ABL2: variants seen among roughly 807,000 people sequenced by gnomAD.
The protein encoded by ABL2 is ABL proto-oncogene 2, non-receptor tyrosine kinase.
A neutral mutation model predicts 107.7 loss-of-function variants in ABL2; 49 were observed. The observed-to-expected ratio is 0.45, with a 90% CI of 0.36 to 0.58. ABL2 has a LOEUF of 0.58. ABL2 is among the 20% of genes least tolerant of loss of function. The pLI, the probability that ABL2 is intolerant of heterozygous loss-of-function variation, is 0.00. For missense variants in ABL2, 1,245 were observed against 1,457.0 expected (o/e 0.85, Z 2.37); for synonymous variants, 549 against 548.6 (o/e 1.00, Z -0.01).
intron 1 of ABL2, among the ~76,000 whole-genome samples, chr1:179,177,366 G>A (rs745327775): frequency 6.6e-6 from 1 of 152,160 alleles, no homozygotes; most frequent in African/African-American, 2.4e-5. Flanking sequence ...AAACAGCCAA[G>A]TCAAGTTCCA....
intron 1 of ABL2, among the ~76,000 whole-genome samples, chr1:179,181,526 A>C (rs147309055): frequency 1.7e-3 from 255 of 152,268 alleles, no homozygotes; most frequent in Middle Eastern, 6.8e-3. Context: ...TCATTTATGA[A>C]ACATGCTTAA....
chr1:179,187,352 G>C (rs1221537146), intron 1 of ABL2, among the ~76,000 whole-genome samples: 3 of 152,118 alleles, frequency 2.0e-5, no homozygotes, highest in Non-Finnish European at 1.5e-5. Context: ...AAAGTCTAAG[G>C]ATTTTGCCTT....
chr1:179,119,992 G>T (rs28914542), intron 6 of ABL2, among the ~76,000 whole-genome samples, 198 bp downstream of exon 6: 2 of 152,056 alleles, frequency 1.3e-5, no homozygotes, highest in Non-Finnish European at 2.9e-5. Context: ...GAAAAAAGGC[G>T]GGGCATGGTG....
intron 1 of ABL2, among the ~76,000 whole-genome samples, chr1:179,162,100 G>A (rs1344073058): frequency 1.3e-5 from 2 of 152,076 alleles, no homozygotes; most frequent in African/African-American, 2.4e-5. Flanking sequence ...TTATAGCAAC[G>A]CAAAATGGAC....
At chr1:179,118,195 T>C (rs1266126644) in intron 7 of ABL2, among the ~76,000 whole-genome samples, 2 of 148,706 alleles carry the variant, frequency 1.3e-5, no homozygotes, top group Non-Finnish European at 3.0e-5. Flanking sequence ...AAAAAGGATC[T>C]TGGATACAGT....
intron 1 of ABL2, among the ~76,000 whole-genome samples, chr1:179,143,409 G>A (rs939087499): frequency 6.6e-6 from 1 of 151,536 alleles, no homozygotes; most frequent in African/African-American, 2.4e-5. Flanking sequence ...GGTGAGACTA[G>A]AGAGAAAAGT....
At chr1:179,110,847 T>C (rs1250644167) in intron 10 of ABL2, 2 of 1,613,934 alleles carry the variant, frequency 1.2e-6, no homozygotes, top group African/African-American at 1.3e-5. Context: ...GTAGGAGAAC[T>C]GGTGGATCAC....
chr1:179,162,687 C>G (rs1233905985), intron 1 of ABL2, among the ~76,000 whole-genome samples: 1 of 152,156 alleles, frequency 6.6e-6, no homozygotes, highest in Non-Finnish European at 1.5e-5. Context: ...CACTAAGCAT[C>G]TCAGAAGACT....
At chr1:179,148,639 C>A (rs1234941924) in intron 1 of ABL2, among the ~76,000 whole-genome samples, 3 of 152,294 alleles carry the variant, frequency 2.0e-5, no homozygotes, top group East Asian at 3.9e-4. Flanking sequence ...CAGTGGCTCA[C>A]GCCTGTAATC....
chr1:179,177,584 CAATT>C (rs1449807345), intron 1 of ABL2, among the ~76,000 whole-genome samples: 8 of 152,102 alleles, frequency 5.3e-5, no homozygotes, highest in Non-Finnish European at 7.4e-5. Flanking sequence ...AATTTGATAA[CAATT>C]AATTCATTTA....
chr1:179,228,515 A>G (rs1663361485), intron 1 of ABL2, among the ~76,000 whole-genome samples: 1 of 152,064 alleles, frequency 6.6e-6, no homozygotes, highest in Non-Finnish European at 1.5e-5. Flanking sequence ...ACAAAGGAAA[A>G]CTTGTTCATA....
At chr1:179,162,124 G>A (rs900043303) in intron 1 of ABL2, among the ~76,000 whole-genome samples, 3 of 152,182 alleles carry the variant, frequency 2.0e-5, no homozygotes, top group African/African-American at 7.2e-5. Context: ...CACACATGCT[G>A]AATGAGTCAA....
At chr1:179,184,986 C>T (rs916368099) in intron 1 of ABL2, among the ~76,000 whole-genome samples, 16 of 152,182 alleles carry the variant, frequency 1.1e-4, no homozygotes, top group Admixed American at 1.0e-3. Flanking sequence ...GAAAAACCTG[C>T]TCCCTTCACT....
chr1:179,142,887 A>C (rs1399631961), intron 1 of ABL2: 1 of 1,597,258 alleles, frequency 6.3e-7, no homozygotes, highest in Non-Finnish European at 8.5e-7. Context: ...ACACTTGATT[A>C]ATGTGGTTAT....
At chr1:179,148,437 T>C (rs1426353366) in intron 1 of ABL2, among the ~76,000 whole-genome samples, 2 of 152,200 alleles carry the variant, frequency 1.3e-5, no homozygotes, top group African/African-American at 4.8e-5. Flanking sequence ...ATCATATCTA[T>C]TATGGTGATC....
At chr1:179,154,054 T>C (rs887442895) in intron 1 of ABL2, among the ~76,000 whole-genome samples, 1 of 152,208 alleles carries the variant, frequency 6.6e-6, no homozygotes, top group Non-Finnish European at 1.5e-5. Flanking sequence ...CTATGAATCA[T>C]ACCTCTTAAA....
chr1:179,227,200 G>A (rs1487790861), intron 1 of ABL2, among the ~76,000 whole-genome samples: 1 of 152,128 alleles, frequency 6.6e-6, no homozygotes, highest in Admixed American at 6.6e-5. Context: ...AAACCAGAAA[G>A]TATCTTAGAG....
At chr1:179,198,267 T>G (rs531143692) in intron 1 of ABL2, among the ~76,000 whole-genome samples, 1 of 149,266 alleles carries the variant, frequency 6.7e-6, no homozygotes. Flanking sequence ...AGGGAGAGAA[T>G]ACGATAAAAT....
chr1:179,220,371 A>G (rs1329109975), intron 1 of ABL2, among the ~76,000 whole-genome samples: 2 of 152,164 alleles, frequency 1.3e-5, no homozygotes, highest in Non-Finnish European at 2.9e-5. Flanking sequence ...AAAACATACA[A>G]TGGTGGGGAG....
Sources: gnomAD v4.1 joint callset for allele counts (sites outside exome capture counted in the v4.1 genomes callset) on GRCh38, gnomAD v4.1.1 for gene constraint, MANE v1.5 for transcripts, NCBI Gene and HGNC (gene_info 2026-07-23, HGNC 2026-07-21) for gene names.